Variants in TCF4 observed in about 807,000 individuals in gnomAD.
TCF4 encodes SL3-3 enhancer factor 2.
A neutral mutation model predicts 82.1 loss-of-function variants in TCF4; 3 were observed. That is an observed-to-expected ratio of 0.04 (90% CI 0.02 to 0.09). TCF4 has a LOEUF of 0.09. Ranked by LOEUF, TCF4 falls within the 10% of genes least tolerant of loss-of-function variation. The pLI, the probability that TCF4 is intolerant of heterozygous loss-of-function variation, is 1.00. For missense variants in TCF4, 518 were observed against 852.7 expected (o/e 0.61, Z 4.89); for synonymous variants, 276 against 309.6 (o/e 0.89, Z 1.14).
At chr18:55,594,314 G>A (rs184656190) in intron 2 of TCF4, among the ~76,000 whole-genome samples, 78 of 152,256 alleles carry the variant, frequency 5.1e-4, no homozygotes, top group Non-Finnish European at 9.4e-4. Flanking sequence ...TAGGGCCACT[G>A]TGCCCAAATG....
chr18:55,317,029 A>G (rs959138320), intron 8 of TCF4, among the ~76,000 whole-genome samples: 1 of 152,074 alleles, frequency 6.6e-6, no homozygotes. Flanking sequence ...ATTTAATCAG[A>G]GGCAGGAAGG....
chr18:55,319,587 A>G lies in TCF4; in HGVS notation c.549+30772T>C, dbSNP rs1198284306. On this transcript the variant is annotated intron_variant, in intron 8 of 19. Coordinates refer to ENST00000354452, the MANE Select transcript of TCF4 (RefSeq NM_001083962.2). Reference sequence around the variant, plus strand: ...GTTTGAATCAATAGAGATACACATCACCAGATTTGTTTTTAATAAACGCCT... The same window carrying G: ...GTTTGAATCAATAGAGATACACATCGCCAGATTTGTTTTTAATAAACGCCT... Among the ~76,000 whole-genome samples the G allele has an allele frequency of 3.9e-5, 6 of 152,248 alleles. No homozygotes were observed. In the East Asian group the frequency reaches 1.2e-3, roughly 29 times the overall value.
intron 2 of TCF4, among the ~76,000 whole-genome samples, chr18:55,628,024 C>T (rs2097728280): frequency 6.6e-6 from 1 of 152,186 alleles, no homozygotes; most frequent in Non-Finnish European, 1.5e-5. Context: ...CGCGCCACTG[C>T]ACTCCAGCCT....
chr18:55,348,216 G>A (rs1392177041), intron 8 of TCF4, among the ~76,000 whole-genome samples: 1 of 152,170 alleles, frequency 6.6e-6, no homozygotes, highest in East Asian at 1.9e-4. Context: ...TATGAAAATA[G>A]AGCTGGGATT....
In TCF4 at chr18:55,495,064, G is replaced by C. The variant is rs540701994; in HGVS notation, c.146-30927C>G. Among the ~76,000 whole-genome samples, 16 of 151,798 alleles carry C rather than the reference G, an allele frequency of 1.1e-4. No homozygotes were observed. The East Asian group carries it at 2.7e-3, about 26-fold the overall frequency. On this transcript the variant is annotated intron_variant, in intron 3 of 19. Coordinates refer to ENST00000354452, the MANE Select transcript of TCF4 (RefSeq NM_001083962.2). ...GACTATAAATGCATTCTTAGGTCTG[G>C]TTCTTTAATCATCAAGAGCTCAACC...
intron 14 of TCF4, among the ~76,000 whole-genome samples, chr18:55,256,023 C>A (rs1005311912): frequency 1.3e-5 from 2 of 152,134 alleles, no homozygotes; most frequent in African/African-American, 2.4e-5. Flanking sequence ...AGCTTTGCTA[C>A]GTATTTGGCC....
chr18:55,440,315 T>G (rs185348847), intron 5 of TCF4, among the ~76,000 whole-genome samples: 5 of 152,320 alleles, frequency 3.3e-5, no homozygotes, highest in Admixed American at 3.3e-4. Context: ...TCTCACTTCT[T>G]GAAGATTTTT....
At chr18:55,463,733 A>T (rs543603591) in intron 4 of TCF4, among the ~76,000 whole-genome samples, 3 of 152,334 alleles carry the variant, frequency 2.0e-5, no homozygotes, top group Non-Finnish European at 4.4e-5. Context: ...AACAAACAGC[A>T]TTATGTAATA....
At chr18:55,468,416 G>A (rs2096079281) in intron 3 of TCF4, among the ~76,000 whole-genome samples, 1 of 152,184 alleles carries the variant, frequency 6.6e-6, no homozygotes, top group East Asian at 1.9e-4. Flanking sequence ...AAGCCAGACA[G>A]AAAATATCTG....
At chr18:55,494,927 A>G (rs1476590472) in intron 3 of TCF4, among the ~76,000 whole-genome samples, 1 of 151,726 alleles carries the variant, frequency 6.6e-6, no homozygotes, top group African/African-American at 2.4e-5. Flanking sequence ...TTATTGCAAC[A>G]TCTATAAAGA....
chr18:55,605,025 G>A (rs2097700996), intron 2 of TCF4, among the ~76,000 whole-genome samples: 1 of 152,198 alleles, frequency 6.6e-6, no homozygotes, highest in Non-Finnish European at 1.5e-5. Flanking sequence ...GAGGACAGCT[G>A]GAACACCTCA....
At chr18:55,548,168 C>G (rs1455391377) in intron 3 of TCF4, among the ~76,000 whole-genome samples, 1 of 152,114 alleles carries the variant, frequency 6.6e-6, no homozygotes, top group East Asian at 1.9e-4. Context: ...TATTGCACTT[C>G]GTTTATTTTA....
chr18:55,567,311 G>T (rs571063300), intron 3 of TCF4, among the ~76,000 whole-genome samples: 2 of 152,166 alleles, frequency 1.3e-5, no homozygotes, highest in East Asian at 1.9e-4. Context: ...ATGAATGCAT[G>T]TAATAATATA....
At chr18:55,246,628 C>T in intron 15 of TCF4, among the ~76,000 whole-genome samples, 1 of 151,994 alleles carries the variant, frequency 6.6e-6, no homozygotes, top group South Asian at 2.1e-4. Flanking sequence ...ATAGAAATAT[C>T]AAATGGTAAG....
intron 5 of TCF4, among the ~76,000 whole-genome samples, chr18:55,421,092 A>T (rs1233430310): frequency 3.3e-5 from 5 of 152,140 alleles, no homozygotes. Flanking sequence ...AAAGGAAAAA[A>T]AAAAAGTAAA....
intron 8 of TCF4, chr18:55,321,475 G>C (rs2147484652): frequency 1.2e-6 from 1 of 802,712 alleles, no homozygotes; most frequent in Non-Finnish European, 2.0e-6. Flanking sequence ...GGGAGGAGTG[G>C]GGGGAAAAAA....
chr18:55,275,838 C>T (rs2061414240), intron 9 of TCF4, 86 bp from the exon 10 acceptor site: 2 of 1,538,534 alleles, frequency 1.3e-6, no homozygotes, highest in Non-Finnish European at 1.8e-6. Context: ...TTGAAAATGA[C>T]TGCCTGTTGT....
At chr18:55,344,864 G>C (rs185503980) in intron 8 of TCF4, among the ~76,000 whole-genome samples, 51 of 152,148 alleles carry the variant, frequency 3.4e-4, no homozygotes, top group African/African-American at 1.2e-3. Context: ...TAAAGATAAA[G>C]CAGGAATAGC....
At chr18:55,373,782 C>T (rs545807625) in intron 6 of TCF4, among the ~76,000 whole-genome samples, 20 of 152,118 alleles carry the variant, frequency 1.3e-4, no homozygotes, top group Non-Finnish European at 2.5e-4. Flanking sequence ...CACTACACTC[C>T]AACCTGAGTG....
Sources: gnomAD v4.1 joint callset for allele counts (sites outside exome capture counted in the v4.1 genomes callset) on GRCh38, gnomAD v4.1.1 for gene constraint, MANE v1.5 for transcripts, NCBI Gene and HGNC (gene_info 2026-07-23, HGNC 2026-07-21) for gene names.